The following CLEC17A variants were observed in gnomAD, a reference collection of about 807,000 sequenced individuals.
The protein encoded by CLEC17A is C-type lectin domain family 17, member A.
CLEC17A carries 37 observed loss-of-function variants against 61.3 expected under a neutral mutation model. The ratio of observed to expected loss-of-function variants is 0.60; its 90% CI spans 0.46 to 0.79. The LOEUF (loss-of-function observed/expected upper bound fraction) is 0.79, where lower values mean the gene tolerates loss of function less well. Among genes scored for constraint, CLEC17A ranks in the 30% least tolerant of loss-of-function variants. The pLI, the probability that CLEC17A is intolerant of heterozygous loss-of-function variation, is 0.00. For synonymous variants in CLEC17A, 168 were observed against 164.9 expected (o/e 1.02, Z -0.14); for missense variants, 418 against 464.7 (o/e 0.90, Z 0.92).
At chr19:14,599,921 T>A (rs1426801205) in intron 11 of CLEC17A, 109 bp downstream of exon 11, 7 of 1,493,142 alleles carry the variant, frequency 4.7e-6, no homozygotes, top group African/African-American at 1.4e-5. Flanking sequence ...ATGGTGCCCC[T>A]CCCCCTCACC....
At chr19:14,603,736 G>C (rs1162543745) in intron 12 of CLEC17A, among the ~76,000 whole-genome samples, 2 of 152,052 alleles carry the variant, frequency 1.3e-5, no homozygotes, top group Non-Finnish European at 2.9e-5. Flanking sequence ...GAAGTGCCGG[G>C]ATTACAGGAG....
At position 14,597,113 on chromosome 19, in the gene CLEC17A, G is replaced by C. The variant is rs374356876; in HGVS notation, c.598G>C (p.Glu200Gln). 2.9e-5 allele frequency: 46 copies of C among 1,613,194 alleles called. No homozygotes were observed. The African/African-American group carries it at 4.7e-4, about 16-fold the overall frequency. The change falls in exon 10 of 14, where the codon GAA (glutamate) becomes CAA (glutamine). Residue 200 changes from glutamate to glutamine, a missense_variant. By Grantham distance (29) the Glu-to-Gln change is conservative. Transcript: ENST00000417570. The stretch of plus-strand genomic sequence containing the variant: ...CTTCTTCATAGACCAGGAGTTGATG[G>C]AAGAACTGAGAATGTTAAGCTTTCA... ...VTLIKYQELM[E>Q]ELRMLSFQQM...
rs1025728641 is a variant in CLEC17A at position 14,611,477 on chromosome 19, G to A, written c.*1281G>A. ...ACTGCACCCTCTGCCTCCTGGGCTC[G>A]AGTGATCCTCCTGCCTCAGCCTCCC... On this transcript the variant is annotated 3_prime_UTR_variant, in exon 14 of 14. Coordinates refer to ENST00000417570, the MANE Select transcript of CLEC17A (RefSeq NM_001204118.2). Among the ~76,000 whole-genome samples, 1 of 147,474 alleles carries A rather than the reference G, an allele frequency of 6.8e-6. No homozygotes were observed. Among genetic ancestry groups the A allele is most frequent in the Non-Finnish European group, 1.5e-5 (1 of 67,296 alleles).
chr19:14,610,469 C>G lies in CLEC17A; in HGVS notation c.*273C>G. On this transcript the variant is annotated 3_prime_UTR_variant, in exon 14 of 14. Coordinates refer to ENST00000417570, the MANE Select transcript of CLEC17A (RefSeq NM_001204118.2). ...ACTTCTGGGGTTGAAAGGATCTTCA[C>G]TAAGTTCCTGATCATGACTCTTGGG... The G allele has an allele frequency of 2.2e-6, 1 of 452,100 alleles. No individual in the cohort carries two copies. The highest frequency in any genetic ancestry group is 4.1e-6 in the Non-Finnish European group (1 of 245,472). The allele number at this position is 452,100 out of a possible 1,614,324, so 28.0% of individuals were successfully genotyped here. A position where few individuals can be genotyped will look rare whatever the true frequency, so the allele number is the denominator to read the frequency against.
At chr19:14,586,976 C>T (rs1300154682) in intron 2 of CLEC17A, among the ~76,000 whole-genome samples, 1 of 151,146 alleles carries the variant, frequency 6.6e-6, no homozygotes, top group African/African-American at 2.4e-5. Flanking sequence ...GCAACCTCCA[C>T]CTCCTGAGTT....
intron 2 of CLEC17A, among the ~76,000 whole-genome samples, chr19:14,587,077 C>T (rs1219547727): frequency 7.9e-5 from 12 of 151,230 alleles, no homozygotes; most frequent in South Asian, 2.1e-4. Flanking sequence ...TTGGTAGAGA[C>T]GGGGTTTCAC....
intron 8 of CLEC17A, 33 bp from the exon 9 acceptor site, chr19:14,596,843 A>G (rs770318924): frequency 4.4e-6 from 7 of 1,602,770 alleles, no homozygotes; most frequent in African/African-American, 4.0e-5. Flanking sequence ...AAGCCCCAGT[A>G]TCAGTCTCTC....
In CLEC17A at chr19:14,583,090, C is replaced by A. The variant is rs1284515278; in HGVS notation, c.-71C>A. 12 of 1,558,866 alleles carry A rather than the reference C, an allele frequency of 7.7e-6. No homozygotes were observed. The highest frequency in any genetic ancestry group is 1.1e-5 in the Non-Finnish European group (12 of 1,134,814). On this transcript the variant is annotated 5_prime_UTR_variant, in exon 1 of 14. It adds an upstream start codon to the 5' untranslated region. Coordinates refer to ENST00000417570, the MANE Select transcript of CLEC17A (RefSeq NM_001204118.2). The stretch of plus-strand genomic sequence containing the variant: ...GGGAACTGAGAGAGCCCCCAGACGC[C>A]TGAGTCGGAGAGACAGGGGGCAGAG...
chr19:14,597,874 G>A lies in CLEC17A; in HGVS notation c.646+713G>A, dbSNP rs1043928066. On this transcript the variant is annotated intron_variant, in intron 10 of 13. Transcript: ENST00000417570. The stretch of plus-strand genomic sequence containing the variant: ...CTGCCGCAGCCTCCTGAAGTGTTTC[G>A]TGCCTGGCCTAAAACCTGTGTTTCT... Among the ~76,000 whole-genome samples, 65 of 152,062 alleles carry A rather than the reference G, an allele frequency of 4.3e-4. 1 individual carries two copies. Among genetic ancestry groups the A allele is most frequent in the Admixed American group, 4.0e-3 (61 of 15,230 alleles).
chr19:14,600,685 C>T (rs1009443620), intron 12 of CLEC17A, among the ~76,000 whole-genome samples: 1 of 146,442 alleles, frequency 6.8e-6, no homozygotes, highest in African/African-American at 2.5e-5. Context: ...GGGTTCACGC[C>T]ATTCTCCTGC....
chr19:14,591,134 A>G (rs1333629250), intron 3 of CLEC17A, among the ~76,000 whole-genome samples: 1 of 151,028 alleles, frequency 6.6e-6, no homozygotes, highest in East Asian at 1.9e-4. Context: ...GGCTGTTGTC[A>G]TAGTTTCTTC....
rs141878753 is a variant in CLEC17A, at chr19:14,594,170, C to T, written c.278-347C>T. Among the ~76,000 whole-genome samples the T allele has an allele frequency of 6.0e-4, 91 of 151,664 alleles. 1 individual carries two copies. Among genetic ancestry groups the T allele is most frequent in the African/African-American group, 2.1e-3 (85 of 41,340 alleles). On this transcript the variant is annotated intron_variant, in intron 4 of 13. Coordinates refer to ENST00000417570, the MANE Select transcript of CLEC17A (RefSeq NM_001204118.2). Reference sequence around the variant, plus strand: ...TGGTAGCATACGCCTGTAATCCCAGCTGAGGGGGCTGAGGCAGAATTGCTT... The same window carrying T: ...TGGTAGCATACGCCTGTAATCCCAGTTGAGGGGGCTGAGGCAGAATTGCTT...
chr19:14,600,326 A>G, intron 12 of CLEC17A, 144 bp downstream of exon 12: 1 of 996,898 alleles, frequency 1.0e-6, no homozygotes, highest in Non-Finnish European at 1.4e-6. Context: ...GCTCTTCCTA[A>G]GGTAGTATCA....
intron 13 of CLEC17A, among the ~76,000 whole-genome samples, chr19:14,609,093 C>A (rs2074982527): frequency 6.6e-6 from 1 of 152,182 alleles, no homozygotes; most frequent in Non-Finnish European, 1.5e-5. Flanking sequence ...TGCCACCGCA[C>A]CTGGCGGAAC....
rs148747038 is a variant in CLEC17A at position 14,595,067 on chromosome 19, T to C, written c.404-207T>C. Among the ~76,000 whole-genome samples the C allele has an allele frequency of 2.3e-3, 355 of 152,284 alleles. 4 individuals are homozygous for C. The highest frequency in any genetic ancestry group is 8.3e-3 in the African/African-American group (344 of 41,548). On this transcript the variant is annotated intron_variant, in intron 7 of 13. Coordinates refer to ENST00000417570, the MANE Select transcript of CLEC17A (RefSeq NM_001204118.2). ...TTGTATTTTTAATAGAGATGGGGTTTTGCCATGTTGGCCAGGCTGGTCTCA... is the reference window on the plus strand; with the variant it reads ...TTGTATTTTTAATAGAGATGGGGTTCTGCCATGTTGGCCAGGCTGGTCTCA...
chr19:14,584,939 A>G (rs932487034), intron 2 of CLEC17A, among the ~76,000 whole-genome samples: 1 of 151,800 alleles, frequency 6.6e-6, no homozygotes, highest in Non-Finnish European at 1.5e-5. Context: ...ACCCACATCC[A>G]TCCCTGTCCC....
At chr19:14,604,423 A>G (rs969918012) in intron 12 of CLEC17A, among the ~76,000 whole-genome samples, 1 of 152,160 alleles carries the variant, frequency 6.6e-6, no homozygotes, top group Admixed American at 6.6e-5. Flanking sequence ...CCACAATGCT[A>G]TAACGACAGA....
At chr19:14,591,884 A>G (rs1480472075) in intron 3 of CLEC17A, among the ~76,000 whole-genome samples, 1 of 144,520 alleles carries the variant, frequency 6.9e-6, no homozygotes, top group East Asian at 2.0e-4. Flanking sequence ...TGTGAATCCA[A>G]ACTCCGGAGA....
Position 14,610,521 on chromosome 19 carries a change from G to T in CLEC17A, c.*325G>T. 3.9e-6 allele frequency: 1 copy of T among 259,664 alleles called. No individual in the cohort carries two copies. Among genetic ancestry groups the T allele is most frequent in the Non-Finnish European group, 7.6e-6 (1 of 132,366 alleles). 16.1% of individuals were successfully genotyped at this position (259,664 alleles called of 1,614,324 possible). A position where few individuals can be genotyped will look rare whatever the true frequency, so the allele number is the denominator to read the frequency against. Reference sequence around the variant, plus strand: ...AGTGATACTAGCCCTGAGGACCCTGGGGCTGGTGTTGAACCTGGGATGAAA... The same window carrying T: ...AGTGATACTAGCCCTGAGGACCCTGTGGCTGGTGTTGAACCTGGGATGAAA... On this transcript the variant is annotated 3_prime_UTR_variant, in exon 14 of 14. Coordinates refer to ENST00000417570, the MANE Select transcript of CLEC17A (RefSeq NM_001204118.2).
Sources: allele counts gnomAD v4.1 joint callset (sites outside exome capture counted in the v4.1 genomes callset), GRCh38; gene constraint gnomAD v4.1.1; transcripts MANE v1.5; gene names NCBI Gene and HGNC (gene_info 2026-07-23, HGNC 2026-07-21).